ZNF8: variants seen among roughly 807,000 people sequenced by gnomAD.
The protein encoded by ZNF8 is zinc finger protein 272.
Under a neutral mutation model 12.2 loss-of-function variants are expected in ZNF8, and 9 were observed. The ratio of observed to expected loss-of-function variants is 0.73; its 90% CI spans 0.44 to 1.28. The LOEUF (loss-of-function observed/expected upper bound fraction) is 1.28, where lower values mean the gene tolerates loss of function less well. ZNF8 is among the 50% of genes most tolerant of loss of function. The pLI is 0.00. For synonymous variants in ZNF8, 274 were observed against 282.3 expected, an observed-to-expected ratio of 0.97 and a Z score of 0.30; for missense variants, 664 against 729.1, an observed-to-expected ratio of 0.91 and a Z score of 1.03.
At chr19:58,285,248 A>C (rs2147955370) in intron 1 of ZNF8, among the ~76,000 whole-genome samples, 1 of 151,768 alleles carries the variant, frequency 6.6e-6, no homozygotes, top group African/African-American at 2.4e-5. Flanking sequence ...TCCTGGGCTC[A>C]AGCGATTCTG....
At position 58,295,349 on chromosome 19, in the gene ZNF8, A is replaced by C; in HGVS notation, c.1541A>C (p.Gln514Pro). ...TCGAGCAGGAACTCACACCTGGTTCAGCATCAACACCCGAACTCCAGAAAG... is the reference window on the plus strand; with the variant it reads ...TCGAGCAGGAACTCACACCTGGTTCCGCATCAACACCCGAACTCCAGAAAG... ...QSSSRNSHLVQHQHPNSRKSS... is the reference protein window; with the variant it reads ...QSSSRNSHLVPHQHPNSRKSS... The change falls in exon 4 of 4, where the codon CAG becomes CCG. Residue 514 changes from glutamine (Q) to proline (P), a missense_variant. Physicochemically the swap from Gln to Pro is moderately conservative, Grantham distance 76. Coordinates refer to ENST00000621650, the MANE Select transcript of ZNF8 (RefSeq NM_021089.3). 6.2e-7 allele frequency: 1 copy of C among 1,614,236 alleles called. No individual in the cohort carries two copies. Among genetic ancestry groups the C allele is most frequent in the Non-Finnish European group, 8.5e-7 (1 of 1,180,022 alleles).
intron 3 of ZNF8, among the ~76,000 whole-genome samples, chr19:58,290,368 C>G (rs1232463480): frequency 6.6e-6 from 1 of 151,834 alleles, no homozygotes; most frequent in Non-Finnish European, 1.5e-5. Flanking sequence ...CCCGCCTTGG[C>G]CTCCCAAAGT....
At chr19:58,283,813 AT>A (rs1360302337) in intron 1 of ZNF8, among the ~76,000 whole-genome samples, 1 of 151,352 alleles carries the variant, frequency 6.6e-6, no homozygotes, top group Non-Finnish European at 1.5e-5. Context: ...GTTAGCCAGG[AT>A]GGTCTCGATC....
rs551269236 is a variant in ZNF8 at position 58,285,645 on chromosome 19, T to C, written c.67-72T>C. The C allele has an allele frequency of 7.9e-5, 128 of 1,611,590 alleles. No individual in the cohort carries two copies. The African/African-American group carries it at 1.5e-3, about 19-fold the overall frequency. ...ACACAGGCCTGCCTGTTTTCTCCTT[T>C]TCCATTCTTCCTCTGCCAGAAAGCA... On this transcript the variant is annotated intron_variant, in intron 1 of 3. Coordinates refer to ENST00000621650, the MANE Select transcript of ZNF8 (RefSeq NM_021089.3).
Position 58,294,155 on chromosome 19 carries a change from A to G in ZNF8, c.347A>G (p.Glu116Gly), listed in dbSNP as rs758111446. The G allele has an allele frequency of 3.3e-5, 53 of 1,613,376 alleles. No homozygotes were observed. The highest frequency in any genetic ancestry group is 4.2e-5 in the Non-Finnish European group (50 of 1,179,432). Residue 116 changes from glutamate (E) to glycine (G), a missense_variant, in exon 4 of 4, where the codon GAG becomes GGG. By Grantham distance (98) the Glu-to-Gly change is moderately conservative. Around this residue, in one of 3 missense-constraint regions of ZNF8, gnomAD observed 306 missense variants for 308.7 expected, o/e 0.99. Coordinates refer to ENST00000621650, the MANE Select transcript of ZNF8 (RefSeq NM_021089.3). The surrounding 1 kb of genome is among the most constrained non-coding windows in gnomAD (Gnocchi z 5.5). The part of the protein sequence containing the change: ...ASRKEEGLPE[E>G]EPSHVTGREG... ...CGCAAGGAAGAGGGCCTGCCTGAAG[A>G]GGAGCCATCCCATGTCACGGGAAGG...
chr19:58,302,517 C>T lies in ZNF8; in HGVS notation c.*6981C>T, dbSNP rs1251782064. The stretch of plus-strand genomic sequence containing the variant: ...GGAATCCCTTCTAGTTGTCTTGTAA[C>T]ATGTGCTTACTCTATTTTGAGGATT... On this transcript the variant is annotated 3_prime_UTR_variant, in exon 4 of 4. Coordinates refer to ENST00000621650, the MANE Select transcript of ZNF8 (RefSeq NM_021089.3). 1.3e-5 allele frequency: 2 copies of T among 152,196 alleles called. No individual in the cohort carries two copies. Among genetic ancestry groups the T allele is most frequent in the Non-Finnish European group, 2.9e-5 (2 of 68,028 alleles). The allele number at this position is 152,196 out of a possible 1,614,324, so 9.4% of individuals were successfully genotyped here. A position where few individuals can be genotyped will look rare whatever the true frequency, so the allele number is the denominator to read the frequency against.
rs766174874 is a variant in ZNF8 at position 58,279,315 on chromosome 19, G to A, written c.66+168G>A. On this transcript the variant is annotated intron_variant, in intron 1 of 3. Coordinates refer to ENST00000621650, the MANE Select transcript of ZNF8 (RefSeq NM_021089.3). ...GCGTGGTGACCGTCCTGGCTGGTCA[G>A]AGAGGGGGCCGGGATTCCAACCAGG... The A allele has an allele frequency of 3.3e-6, 5 of 1,492,828 alleles. No individual in the cohort carries two copies. In the South Asian group the frequency reaches 6.2e-5, roughly 19 times the overall value. 92.5% of individuals were successfully genotyped at this position (1,492,828 alleles called of 1,614,324 possible).
intron 1 of ZNF8, among the ~76,000 whole-genome samples, chr19:58,282,852 T>C (rs1319352392): frequency 1.3e-5 from 2 of 152,194 alleles, no homozygotes; most frequent in Non-Finnish European, 2.9e-5. Context: ...AGTCACGAAC[T>C]CCTGAGCTCA....
intron 1 of ZNF8, chr19:58,279,378 G>C (rs766687172): frequency 2.1e-6 from 3 of 1,454,962 alleles, no homozygotes; most frequent in South Asian, 1.4e-5. Context: ...ACGCGGCTCT[G>C]TCCTCCCCAG....
chr19:58,293,438 G>A (rs1437497257), intron 3 of ZNF8, among the ~76,000 whole-genome samples: 6 of 152,172 alleles, frequency 3.9e-5, no homozygotes, highest in South Asian at 2.1e-4. Flanking sequence ...ATTCTAGTGC[G>A]GTGAGGTGTA....
Position 58,300,060 on chromosome 19 carries a change from C to T in ZNF8, c.*4524C>T, listed in dbSNP as rs1468996624. On this transcript the variant is annotated 3_prime_UTR_variant, in exon 4 of 4. Transcript: ENST00000621650. ...TCTGTCTCCTTAGATAACCTCCATTCGCATAGCTAAATGCTGCACCCTCCG... is the reference window on the plus strand; with the variant it reads ...TCTGTCTCCTTAGATAACCTCCATTTGCATAGCTAAATGCTGCACCCTCCG... 1.3e-5 allele frequency: 2 copies of T among 152,196 alleles called. No individual in the cohort carries two copies. The highest frequency in any genetic ancestry group is 4.8e-5 in the African/African-American group (2 of 41,446). The allele number at this position is 152,196 out of a possible 1,614,324, so 9.4% of individuals were successfully genotyped here. A position where few individuals can be genotyped will look rare whatever the true frequency, so the allele number is the denominator to read the frequency against.
intron 3 of ZNF8, among the ~76,000 whole-genome samples, chr19:58,288,601 T>C (rs2051398935): frequency 6.6e-6 from 1 of 152,180 alleles, no homozygotes; most frequent in Non-Finnish European, 1.5e-5. Flanking sequence ...ATTGTCATAA[T>C]TGGCTTGGGC....
chr19:58,290,323 C>T (rs2051411243), intron 3 of ZNF8, among the ~76,000 whole-genome samples: 1 of 150,482 alleles, frequency 6.6e-6, no homozygotes, highest in African/African-American at 2.4e-5. Flanking sequence ...ACCGTGTTGG[C>T]CAGGATGGTC....
chr19:58,278,973 G>T lies in ZNF8; in HGVS notation c.-109G>T. On this transcript the variant is annotated 5_prime_UTR_variant, in exon 1 of 4. Coordinates refer to ENST00000621650, the MANE Select transcript of ZNF8 (RefSeq NM_021089.3). ...GGGAGTTGTAGTCGCCGCGTCGCCG[G>T]TGCGGCCGCCATTGTCCGGCGTTCG... 2.5e-5 allele frequency: 32 copies of T among 1,291,722 alleles called. No homozygotes were observed. The highest frequency in any genetic ancestry group is 3.2e-5 in the Non-Finnish European group (32 of 995,478). 80.0% of individuals were successfully genotyped at this position (1,291,722 alleles called of 1,614,324 possible). A position where few individuals can be genotyped will look rare whatever the true frequency, so the allele number is the denominator to read the frequency against.
rs894163672 is a variant in ZNF8, at chr19:58,295,822, C to A, written c.*286C>A. 3 of 348,368 alleles carry A rather than the reference C, an allele frequency of 8.6e-6. No individual in the cohort carries two copies. The highest frequency in any genetic ancestry group is 5.2e-6 in the Non-Finnish European group (1 of 192,788). 21.6% of individuals were successfully genotyped at this position (348,368 alleles called of 1,614,324 possible). On this transcript the variant is annotated 3_prime_UTR_variant, in exon 4 of 4. Coordinates refer to ENST00000621650, the MANE Select transcript of ZNF8 (RefSeq NM_021089.3). ...AATGTCAAAAAAAATCAATATGCGG[C>A]CCCATTTTGTAAAGGATCATTAAAA...
chr19:58,291,308 T>G (rs994610280), intron 3 of ZNF8, among the ~76,000 whole-genome samples: 1 of 152,234 alleles, frequency 6.6e-6, no homozygotes, highest in African/African-American at 2.4e-5. Context: ...TGGCTTCCCA[T>G]GTGCCAGGAT....
At chr19:58,282,827 C>T (rs1462038407) in intron 1 of ZNF8, among the ~76,000 whole-genome samples, 3 of 151,946 alleles carry the variant, frequency 2.0e-5, no homozygotes, top group African/African-American at 7.3e-5. Flanking sequence ...GGTGTTTCAC[C>T]ATGTTGCCCA....
intron 3 of ZNF8, among the ~76,000 whole-genome samples, chr19:58,289,003 G>T (rs2051401393): frequency 6.6e-6 from 1 of 152,296 alleles, no homozygotes; most frequent in South Asian, 2.1e-4. Flanking sequence ...AAAATGTTGT[G>T]CTTGCATGGA....
At chr19:58,279,804 C>T (rs1044590870) in intron 1 of ZNF8, 70 of 1,442,800 alleles carry the variant, frequency 4.9e-5, no homozygotes, top group Non-Finnish European at 6.1e-5. Flanking sequence ...GGCCTGTGTT[C>T]TCCATAAAGC....
Sources: allele counts gnomAD v4.1 joint callset (sites outside exome capture counted in the v4.1 genomes callset), GRCh38; gene constraint gnomAD v4.1.1; regional missense constraint gnomAD v4.1.1; non-coding constraint Gnocchi (gnomAD v3.1); transcripts MANE v1.5; gene names NCBI Gene and HGNC (gene_info 2026-07-23, HGNC 2026-07-21).